The following NINJ2 variants were observed in gnomAD, a reference collection of about 807,000 sequenced individuals.
NINJ2 encodes ninjurin 2.
A neutral mutation model predicts 11.7 loss-of-function variants in NINJ2; 12 were observed. The ratio of observed to expected loss-of-function variants is 1.02; its 90% CI spans 0.66 to 1.66. The LOEUF (loss-of-function observed/expected upper bound fraction) is 1.66, where lower values mean the gene tolerates loss of function less well. NINJ2 is among the 40% of genes most tolerant of loss of function. The probability of loss-of-function intolerance (pLI) is 0.00; values close to 1 mark genes in which losing one functional copy is unlikely to be tolerated. For missense variants in NINJ2, 187 were observed against 181.8 expected (o/e 1.03, Z -0.16); for synonymous variants, 93 against 76.8 (o/e 1.21, Z -1.10).
In NINJ2 at chr12:614,833, T is replaced by TCGGG. The variant is rs145316469; in HGVS notation, c.33+48491_33+48494dup. 3.3e-3 allele frequency among the ~76,000 whole-genome samples: 498 copies of TCGGG among 152,268 alleles called. 3 individuals carry two copies. The highest frequency in any genetic ancestry group is 0.011 in the African/African-American group (473 of 41,570). On this transcript the variant is annotated intron_variant, in intron 1 of 3. Coordinates refer to ENST00000305108, the MANE Select transcript of NINJ2 (RefSeq NM_016533.6). This position sits in a 1 kb window ranked among gnomAD's most constrained non-coding sequence, Gnocchi z 5.1. ...AGGGGCAAGACCATGTCTTCACACG[T>TCGGG]CGGGCAGCGTGCATTGTCAGCGCTC...
At chr12:606,952 G>C (rs1254712164) in intron 1 of NINJ2, among the ~76,000 whole-genome samples, 1 of 152,174 alleles carries the variant, frequency 6.6e-6, no homozygotes, top group Non-Finnish European at 1.5e-5. Context: ...AGACCAAGAG[G>C]TTCCTCCTGG....
chr12:605,846 C>A (rs952726409), intron 1 of NINJ2, among the ~76,000 whole-genome samples: 12 of 152,298 alleles, frequency 7.9e-5, no homozygotes, highest in Admixed American at 2.6e-4. Flanking sequence ...TTCCAGTAAG[C>A]TTTTTGGTGC....
At chr12:625,121 GATATATAT>G (rs35114418) in intron 1 of NINJ2, among the ~76,000 whole-genome samples, 5 of 130,678 alleles carry the variant, frequency 3.8e-5, no homozygotes, top group South Asian at 4.8e-4. Context: ...AAAAAAAAAA[GATATATAT>G]ATAGATATAT....
At chr12:611,111 G>A (rs1411844401) in intron 1 of NINJ2, among the ~76,000 whole-genome samples, 1 of 152,140 alleles carries the variant, frequency 6.6e-6, no homozygotes, top group African/African-American at 2.4e-5. Context: ...CCTTTTCTGT[G>A]CCCTAAGTTA....
chr12:617,351 C>T (rs1459089225), intron 1 of NINJ2, among the ~76,000 whole-genome samples: 1 of 152,164 alleles, frequency 6.6e-6, no homozygotes, highest in East Asian at 1.9e-4. Context: ...CACGTCCTCC[C>T]CTCACGAAGC....
At chr12:643,550 C>T (rs1937626736) in intron 1 of NINJ2, 1 of 987,708 alleles carries the variant, frequency 1.0e-6, no homozygotes, top group African/African-American at 1.7e-5. Context: ...ACCTGTGGGG[C>T]GTGTCGTCAT....
intron 1 of NINJ2, among the ~76,000 whole-genome samples, chr12:651,097 G>C (rs1406022188): frequency 6.6e-6 from 1 of 151,640 alleles, no homozygotes; most frequent in African/African-American, 2.4e-5. Context: ...CCAGTCATGG[G>C]GGTGGGCATT....
rs547537927 is a variant in NINJ2, at chr12:614,834, C to T, written c.33+48494G>A. Among the ~76,000 whole-genome samples, 3 of 151,256 alleles carry T rather than the reference C, an allele frequency of 2.0e-5. No individual in the cohort carries two copies. The highest frequency in any genetic ancestry group is 1.9e-4 in the East Asian group (1 of 5,176). ...GGGGCAAGACCATGTCTTCACACGTCGGGCAGCGTGCATTGTCAGCGCTCT... is the reference window on the plus strand; with the variant it reads ...GGGGCAAGACCATGTCTTCACACGTTGGGCAGCGTGCATTGTCAGCGCTCT... On this transcript the variant is annotated intron_variant, in intron 1 of 3. Coordinates refer to ENST00000305108, the MANE Select transcript of NINJ2 (RefSeq NM_016533.6). This position sits in a 1 kb window ranked among gnomAD's most constrained non-coding sequence, Gnocchi z 5.1.
intron 1 of NINJ2, among the ~76,000 whole-genome samples, chr12:631,881 C>T (rs1040624520): frequency 6.6e-6 from 1 of 152,122 alleles, no homozygotes; most frequent in Non-Finnish European, 1.5e-5. Flanking sequence ...GAGTAGAACT[C>T]CAGATTTCTG....
intron 1 of NINJ2, among the ~76,000 whole-genome samples, chr12:616,343 C>T (rs1349991487): frequency 1.3e-5 from 2 of 152,216 alleles, no homozygotes; most frequent in African/African-American, 2.4e-5. Context: ...CTAATCCCAC[C>T]ATGGTTTATA....
In NINJ2 at chr12:629,897, AT is replaced by A. The variant is rs200093042; in HGVS notation, c.33+33430del. The stretch of plus-strand genomic sequence containing the variant: ...AGCAAAACTCAAAAAAAAAAAAAAA[AT>A]ATATATATATATATATATATATATG... On this transcript the variant is annotated intron_variant, in intron 1 of 3. Transcript: ENST00000305108. Among the ~76,000 whole-genome samples, 193 of 20,284 alleles carry A rather than the reference AT, an allele frequency of 9.5e-3. 5 individuals carry two copies. The highest frequency in any genetic ancestry group is 0.019 in the African/African-American group (183 of 9,506). The allele number at this position is 20,284 out of a possible 152,430, so 13.3% of individuals were successfully genotyped here. A position where few individuals can be genotyped will look rare whatever the true frequency, so the allele number is the denominator to read the frequency against.
At chr12:661,674 G>A (rs1937959843) in intron 1 of NINJ2, among the ~76,000 whole-genome samples, 1 of 152,170 alleles carries the variant, frequency 6.6e-6, no homozygotes, top group African/African-American at 2.4e-5. Context: ...GCTCTTCTGA[G>A]AATGAAAATA....
intron 1 of NINJ2, among the ~76,000 whole-genome samples, chr12:636,893 G>A (rs982085028): frequency 7.4e-4 from 112 of 152,142 alleles, no homozygotes; most frequent in Non-Finnish European, 3.1e-4. Context: ...ATTCCTAGGT[G>A]TGTACCCCAA....
Position 601,592 on chromosome 12 carries a change from G to A in NINJ2, c.34-35414C>T, listed in dbSNP as rs183209464. 1.2e-4 allele frequency among the ~76,000 whole-genome samples: 18 copies of A among 145,454 alleles called. No homozygotes were observed. The South Asian group carries it at 1.3e-3, about 11-fold the overall frequency. On this transcript the variant is annotated intron_variant, in intron 1 of 3. Coordinates refer to ENST00000305108, the MANE Select transcript of NINJ2 (RefSeq NM_016533.6). ...ATAAATAAAACAAATAGCCAGGTGC[G>A]GTGGCTCACGCCTGTAATCCCAGCA... is the stretch of plus-strand genomic sequence containing the variant.
intron 1 of NINJ2, among the ~76,000 whole-genome samples, chr12:604,276 C>T (rs1397279142): frequency 1.3e-5 from 2 of 152,044 alleles, no homozygotes; most frequent in African/African-American, 4.8e-5. Context: ...GCTGCGAGGA[C>T]AAAATAGACT....
intron 3 of NINJ2, 59 bp from the exon 4 acceptor site, chr12:564,740 C>T (rs1331141592): frequency 6.6e-6 from 1 of 152,634 alleles, no homozygotes; most frequent in Non-Finnish European, 1.5e-5. Flanking sequence ...TGCCCCTCAA[C>T]CTTCAGCATG....
intron 1 of NINJ2, among the ~76,000 whole-genome samples, chr12:598,485 G>A (rs1185689323): frequency 6.6e-6 from 1 of 152,192 alleles, no homozygotes; most frequent in Admixed American, 6.5e-5. Flanking sequence ...CCTGGCCATA[G>A]GCCACTTTCG....
intron 1 of NINJ2, among the ~76,000 whole-genome samples, chr12:604,184 G>C (rs541218538): frequency 6.6e-6 from 1 of 152,336 alleles, no homozygotes; most frequent in East Asian, 1.9e-4. Flanking sequence ...CTGGGGTTTT[G>C]ATGGGAACCG....
intron 1 of NINJ2, among the ~76,000 whole-genome samples, chr12:634,550 CG>C (rs1251022914): frequency 6.6e-6 from 1 of 152,012 alleles, no homozygotes; most frequent in Non-Finnish European, 1.5e-5. Flanking sequence ...TGGGCCACCG[CG>C]CCCGGCCTAG....
Sources: gnomAD v4.1 joint callset for allele counts (sites outside exome capture counted in the v4.1 genomes callset) on GRCh38, gnomAD v4.1.1 for gene constraint, Gnocchi (gnomAD v3.1) non-coding constraint, MANE v1.5 for transcripts, NCBI Gene and HGNC (gene_info 2026-07-23, HGNC 2026-07-21) for gene names.